The following FBN2 variants were observed in gnomAD, a reference collection of about 807,000 sequenced individuals.
FBN2 encodes the protein fibrillin 2.
FBN2 carries 105 observed loss-of-function variants against 355.6 expected under a neutral mutation model. The observed-to-expected ratio is 0.30, with a 90% CI of 0.25 to 0.35. The LOEUF is 0.35. Among genes scored for constraint, FBN2 ranks in the 10% least tolerant of loss-of-function variants. The pLI, the probability that FBN2 is intolerant of heterozygous loss-of-function variation, is 1.00. For synonymous variants in FBN2, 1,350 were observed against 1,301.2 expected, an observed-to-expected ratio of 1.04 and a Z score of -0.81; for missense variants, 3,280 against 3,758.7, an observed-to-expected ratio of 0.87 and a Z score of 3.33.
At position 128,374,716 on chromosome 5, in the gene FBN2, C is replaced by G; in HGVS notation, c.2007G>C (p.Met669Ile). The G allele has an allele frequency of 6.2e-7, 1 of 1,613,930 alleles. No homozygotes were observed. Among genetic ancestry groups the G allele is most frequent in the Non-Finnish European group, 8.5e-7 (1 of 1,179,890 alleles). The change falls in exon 15 of 65, where the codon ATG becomes ATC. Residue 669 changes from methionine (M) to isoleucine (I), a missense_variant. By Grantham distance (10) the Met-to-Ile change is conservative (BLOSUM62 1). Around this residue, in one of 6 missense-constraint regions of FBN2, gnomAD observed 2,284 missense variants for 2,749.5 expected, o/e 0.83. Transcript: ENST00000262464. Reference protein sequence around the residue: ...VDECQTPGICMNGHCINSEGS... With the variant: ...VDECQTPGICINGHCINSEGS... ...CTTCACTGTTGATGCAGTGCCCATT[C>G]ATGCAGATTCCTGGGGTCTGGCATT...
chr5:128,305,075 A>G lies in FBN2; in HGVS notation c.5682T>C (p.Asn1894=), dbSNP rs991908659. 1.2e-5 allele frequency: 20 copies of G among 1,610,148 alleles called. No individual in the cohort carries two copies. The highest frequency in any genetic ancestry group is 1.6e-5 in the Non-Finnish European group (19 of 1,177,626). ...LSPNGACVDR[N]ECLEIPNVCS... The stretch of plus-strand genomic sequence containing the variant: ...AAACGTTAGGAATTTCTAAACATTC[A>G]TTGCGATCTAAAACAGAAAAAAATA... Residue 1894 remains asparagine (N), a synonymous_variant, in exon 45 of 65, where the codon AAT becomes AAC. Transcript: ENST00000262464.
In FBN2 at chr5:128,536,430, C is replaced by A. The variant is rs766113584; in HGVS notation, c.309G>T (p.Thr103=). 3 of 1,614,058 alleles carry A rather than the reference C, an allele frequency of 1.9e-6. No homozygotes were observed. The highest frequency in any genetic ancestry group is 2.2e-5 in the East Asian group (1 of 44,878). Residue 103 remains threonine (T), a synonymous_variant, in exon 2 of 65, where the codon ACG becomes ACT. Coordinates refer to ENST00000262464, the MANE Select transcript of FBN2 (RefSeq NM_001999.4). ...FHSYCCPGWK[T]LPGGNQCIVP... is the part of the protein sequence containing the mutation. ...CAATGCACTGGTTTCCTCCAGGGAG[C>A]GTCTTCCATCCAGGGCAGCAGTAGG...
In FBN2 at chr5:128,312,756, C is replaced by G. The variant is rs143195229; in HGVS notation, c.4757G>C (p.Arg1586Pro). The G allele has an allele frequency of 1.4e-5, 23 of 1,613,784 alleles. No homozygotes were observed. In the African/African-American group the frequency reaches 2.7e-4, roughly 19 times the overall value. ...GTTGCAAGACAGACTCCCATCTCCTCGAGGTCCAAACTTCAGGTAGCAGTT... is the reference window on the plus strand; with the variant it reads ...GTTGCAAGACAGACTCCCATCTCCTGGAGGTCCAAACTTCAGGTAGCAGTT... ...VGNCYLKFGP[R>P]GDGSLSCNTE... The change falls in exon 37 of 65, where the codon CGA (arginine) becomes CCA (proline). Residue 1586 changes from arginine to proline, a missense_variant. This residue lies in a region of FBN2 where 2,284 missense variants were observed against 2,749.5 expected (regional missense o/e 0.83). Transcript: ENST00000262464.
chr5:128,286,038 G>A (rs1300139961), intron 55 of FBN2, among the ~76,000 whole-genome samples: 2 of 152,092 alleles, frequency 1.3e-5, no homozygotes, highest in Non-Finnish European at 2.9e-5. Context: ...ATTTTGCCCT[G>A]TGCTAGATTT....
At position 128,349,408 on chromosome 5, in the gene FBN2, T is replaced by A; in HGVS notation, c.2928A>T (p.Gly976=). ...CPNGRCVNSK[G]SFHCECPEGL... is the part of the protein sequence containing the mutation. The stretch of plus-strand genomic sequence containing the variant: ...CTTCAGGGCACTCGCAATGAAAAGA[T>A]CCCTTACTGTTGACACAGCGTCCAT... The change falls in exon 23 of 65, where the codon GGA becomes GGT. Residue 976 remains glycine, a synonymous_variant. Transcript: ENST00000262464. The A allele has an allele frequency of 6.2e-7, 1 of 1,614,042 alleles. No individual in the cohort carries two copies. Among genetic ancestry groups the A allele is most frequent in the Non-Finnish European group, 8.5e-7 (1 of 1,179,992 alleles).
At chr5:128,495,991 G>A (rs956954679) in intron 5 of FBN2, among the ~76,000 whole-genome samples, 1 of 152,026 alleles carries the variant, frequency 6.6e-6, no homozygotes, top group Non-Finnish European at 1.5e-5. Context: ...CAATTAATGA[G>A]TAATTATTTT....
At chr5:128,311,100 C>T (rs1750042801) in intron 39 of FBN2, among the ~76,000 whole-genome samples, 200 bp downstream of exon 39, 1 of 151,230 alleles carries the variant, frequency 6.6e-6, no homozygotes, top group African/African-American at 2.4e-5. Flanking sequence ...TGGAAAAATA[C>T]AGTGAATTAT....
intron 5 of FBN2, among the ~76,000 whole-genome samples, chr5:128,492,784 C>A (rs2127128027): frequency 1.1e-5 from 1 of 87,198 alleles, no homozygotes; most frequent in Admixed American, 2.0e-4. Flanking sequence ...GCCTGAGCAA[C>A]AAGAGCGAAA....
chr5:128,263,808 G>A (rs779033537), intron 62 of FBN2, 152 bp from the exon 63 acceptor site: 27 of 626,056 alleles, frequency 4.3e-5, no homozygotes, highest in African/African-American at 1.5e-4. Flanking sequence ...TGCAAAGCAC[G>A]TGAATGAAAA....
intron 6 of FBN2, among the ~76,000 whole-genome samples, chr5:128,452,998 A>C (rs1166634364): frequency 6.6e-6 from 1 of 152,196 alleles, no homozygotes; most frequent in African/African-American, 2.4e-5. Flanking sequence ...CTATGAAAAC[A>C]AATGTCTAAC....
rs976094003 is a variant in FBN2 at position 128,376,744 on chromosome 5, C to A, written c.1959G>T (p.Gly653=). ...AGCCACACATACCAGTACAGTAACG[C>A]CCATTTGGAGCCAAGACAAATCCTG... ...CKPGFVLAPN[G]RYCTDVDECQ... is the part of the protein sequence containing the mutation. Residue 653 remains glycine, a synonymous_variant, in exon 14 of 65, where the codon GGG becomes GGT. Coordinates refer to ENST00000262464, the MANE Select transcript of FBN2 (RefSeq NM_001999.4). 4.5e-5 allele frequency: 73 copies of A among 1,613,590 alleles called. No homozygotes were observed. Among genetic ancestry groups the A allele is most frequent in the Non-Finnish European group, 5.8e-5 (68 of 1,179,720 alleles).
chr5:128,303,954 T>A (rs919231360), intron 45 of FBN2, among the ~76,000 whole-genome samples: 7 of 152,140 alleles, frequency 4.6e-5, no homozygotes, highest in African/African-American at 1.4e-4. Context: ...TGTATAAACA[T>A]CACCTAGAGA....
At chr5:128,536,349 G>C in intron 2 of FBN2, 53 bp downstream of exon 2, 1 of 1,420,648 alleles carries the variant, frequency 7.0e-7, no homozygotes, top group Non-Finnish European at 9.9e-7. Context: ...GAGGTCGGCC[G>C]GAGATAGGGC....
At chr5:128,535,526 T>C (rs73787623) in intron 2 of FBN2, among the ~76,000 whole-genome samples, 18,897 of 152,156 alleles carry the variant, frequency 0.12, 1,811 homozygotes, top group African/African-American at 0.26. Flanking sequence ...CAAATGTGGT[T>C]GTGCTACATA....
intron 5 of FBN2, among the ~76,000 whole-genome samples, chr5:128,477,416 A>T (rs796752616): frequency 1.3e-5 from 2 of 152,322 alleles, no homozygotes; most frequent in African/African-American, 4.8e-5. Flanking sequence ...ACTGCAATAA[A>T]ATTCAAAGGC....
rs1262129438 is a variant in FBN2, at chr5:128,377,661, T to C, written c.1849+91A>G. The C allele has an allele frequency of 3.1e-6, 4 of 1,305,822 alleles. No individual in the cohort carries two copies. In the African/African-American group the frequency reaches 5.8e-5, roughly 19 times the overall value. The allele number at this position is 1,305,822 out of a possible 1,614,324, so 80.9% of individuals were successfully genotyped here. A position where few individuals can be genotyped will look rare whatever the true frequency, so the allele number is the denominator to read the frequency against. On this transcript the variant is annotated intron_variant, in intron 13 of 64. Transcript: ENST00000262464. Reference sequence around the variant, plus strand: ...TTACCTGAAGATCTCACATACGTGGTGTGTGAGCTTTCATGGAAATAGTAC... The same window carrying C: ...TTACCTGAAGATCTCACATACGTGGCGTGTGAGCTTTCATGGAAATAGTAC...
At chr5:128,497,387 A>G (rs17839642) in intron 5 of FBN2, among the ~76,000 whole-genome samples, 50,429 of 152,168 alleles carry the variant, frequency 0.33, 13,307 homozygotes, top group African/African-American at 0.74. Flanking sequence ...TTTGATAATC[A>G]TCACAAATCT....
chr5:128,406,823 T>C (rs1293361378), intron 8 of FBN2, among the ~76,000 whole-genome samples: 1 of 152,154 alleles, frequency 6.6e-6, no homozygotes, highest in Admixed American at 6.6e-5. Flanking sequence ...AACAAAACCA[T>C]GGAAAGTGAA....
At chr5:128,310,982 T>G (rs557133393) in intron 39 of FBN2, among the ~76,000 whole-genome samples, 7 of 152,306 alleles carry the variant, frequency 4.6e-5, no homozygotes, top group Non-Finnish European at 7.4e-5. Flanking sequence ...CTTACCAATT[T>G]TTCCTATGTA....
Sources: gnomAD v4.1 joint callset for allele counts (sites outside exome capture counted in the v4.1 genomes callset) on GRCh38, gnomAD v4.1.1 for gene constraint, gnomAD v4.1.1 regional missense constraint, MANE v1.5 for transcripts, NCBI Gene and HGNC (gene_info 2026-07-23, HGNC 2026-07-21) for gene names.